The following CDK20 variants were observed in gnomAD, a reference collection of about 807,000 sequenced individuals.
CDK20 encodes the protein cyclin dependent kinase 20, also known as cyclin-dependent kinase 20.
CDK20 carries 40 observed loss-of-function variants against 38.6 expected under a neutral mutation model. The observed-to-expected ratio is 1.04, with a 90% CI of 0.81 to 1.35. The LOEUF is 1.35. Ranked by LOEUF, CDK20 falls within the 40% of genes most tolerant of loss-of-function variation. The probability of loss-of-function intolerance (pLI) is 0.00; values close to 1 mark genes in which losing one functional copy is unlikely to be tolerated. For synonymous variants in CDK20, 209 were observed against 185.7 expected (o/e 1.13, Z -1.02); for missense variants, 512 against 452.6 (o/e 1.13, Z -1.19).
intron 6 of CDK20, 95 bp from the exon 7 acceptor site, chr9:87,969,444 C>T (rs989397575): frequency 5.9e-6 from 8 of 1,348,606 alleles, no homozygotes; most frequent in South Asian, 1.3e-5. Flanking sequence ...CACACACTCA[C>T]ATGGGGGGTG....
At position 87,967,527 on chromosome 9, in the gene CDK20, C is replaced by G. The variant is rs1252848084; in HGVS notation, c.976G>C (p.Asp326His). 1 of 1,555,382 alleles carries G rather than the reference C, an allele frequency of 6.4e-7. No individual in the cohort carries two copies. Among genetic ancestry groups the G allele is most frequent in the Admixed American group, 1.9e-5 (1 of 51,456 alleles). Reference protein sequence around the residue: ...GPPHIHDFHVDRPLEESLLNP... With the variant: ...GPPHIHDFHVHRPLEESLLNP... ...AACAGCGACTCCTCAAGAGGCCGGT[C>G]CACGTGGAAGTCATGGATGTGGGGG... The change falls in exon 8 of 8, where the codon GAC becomes CAC. Residue 326 changes from aspartate (D) to histidine (H), a missense_variant. Physicochemically the swap from Asp to His is moderately conservative, Grantham distance 81 (BLOSUM62 -1). Transcript: ENST00000325303.
rs1305925018 is a variant in CDK20, at chr9:87,971,166, G to T, written c.359C>A (p.Ala120Asp). 3.1e-6 allele frequency: 5 copies of T among 1,614,108 alleles called. No homozygotes were observed. Among genetic ancestry groups the T allele is most frequent in the Non-Finnish European group, 4.2e-6 (5 of 1,179,982 alleles). The change falls in exon 3 of 8, where the codon GCC (alanine) becomes GAC (aspartate). Residue 120 changes from alanine (A) to aspartate (D), a missense_variant. Transcript: ENST00000325303. ...ACTGACCCGATGTACAATGTTGTTGGCATGGCAGAAGGCGACACCCTTGAG... is the reference window on the plus strand; with the variant it reads ...ACTGACCCGATGTACAATGTTGTTGTCATGGCAGAAGGCGACACCCTTGAG... The part of the protein sequence containing the change: ...MLLKGVAFCH[A>D]NNIVHRDLKP...
chr9:87,974,322 G>A (rs1224053176), intron 1 of CDK20, 50 bp downstream of exon 1: 14 of 1,553,670 alleles, frequency 9.0e-6, no homozygotes, highest in South Asian at 2.2e-5. Flanking sequence ...TTAGCCGGAG[G>A]GTGGCGGGGG....
chr9:87,969,602 C>CA (rs1332343712), intron 6 of CDK20, 194 bp downstream of exon 6: 1 of 907,504 alleles, frequency 1.1e-6, no homozygotes, highest in African/African-American at 1.7e-5. Context: ...TGAAAAGGGA[C>CA]AAAGGACAGG....
In CDK20 at chr9:87,974,510, C is replaced by T. The variant is rs963610062; in HGVS notation, c.-64G>A. 1.4e-6 allele frequency: 2 copies of T among 1,461,834 alleles called. No individual in the cohort carries two copies. The highest frequency in any genetic ancestry group is 1.9e-5 in the Admixed American group (1 of 51,832). The allele number at this position is 1,461,834 out of a possible 1,614,324, so 90.6% of individuals were successfully genotyped here. ...ACTTCCAAACTCCACTTCTCCTCCA[C>T]CCCACGCTGATCTGAGCTCGCACGC... is the stretch of plus-strand genomic sequence containing the variant. On this transcript the variant is annotated 5_prime_UTR_variant, in exon 1 of 8. In the 5' UTR this introduces an upstream ATG that the reference lacks. Transcript: ENST00000325303.
chr9:87,970,998 ACCT>A (rs766374695), intron 3 of CDK20, 101 bp from the exon 4 acceptor site: 26 of 1,544,256 alleles, frequency 1.7e-5, no homozygotes, highest in African/African-American at 1.6e-4. Context: ...CCCGGTCCCC[ACCT>A]CCTCCAGGGC....
intron 3 of CDK20, 87 bp downstream of exon 3, chr9:87,971,057 ACTT>A (rs1274600109): frequency 1.5e-4 from 228 of 1,515,484 alleles, no homozygotes; most frequent in Non-Finnish European, 1.8e-4. Context: ...CTCTGTCCCA[ACTT>A]CTTATCACAC....
At chr9:87,969,575 A>C in intron 6 of CDK20, 1 of 773,500 alleles carries the variant, frequency 1.3e-6, no homozygotes. Context: ...GAGACACTGC[A>C]CATGTGTGTA....
rs956046565 is a variant in CDK20 at position 87,974,019 on chromosome 9, G to A, written c.92C>T (p.Ala31Val). 6.2e-7 allele frequency: 1 copy of A among 1,614,142 alleles called. No individual in the cohort carries two copies. ...AKHVETGEIV[A>V]LKKVALRRLE... The stretch of plus-strand genomic sequence containing the variant: ...CCGCCTTAGGGCCACCTTCTTGAGG[G>A]CAACTATCTCGCCAGTCTGCAGGAT... The change falls in exon 2 of 8, where the codon GCC (alanine) becomes GTC (valine). Residue 31 changes from alanine (A) to valine (V), a missense_variant. Ala to Val is a moderately conservative substitution (Grantham distance 64). Transcript: ENST00000325303.
chr9:87,970,551 A>G lies in CDK20; in HGVS notation c.563+17T>C. ...CCATGAGCCATGTTACCCTTTGACC[A>G]CCCACAGGGGTCTCACCACAGATCG... On this transcript the variant is annotated intron_variant, in intron 5 of 7. Transcript: ENST00000325303. The G allele has an allele frequency of 6.2e-7, 1 of 1,610,378 alleles. No homozygotes were observed. The highest frequency in any genetic ancestry group is 8.5e-7 in the Non-Finnish European group (1 of 1,177,482).
intron 5 of CDK20, 62 bp downstream of exon 5, chr9:87,970,506 C>A: frequency 6.8e-7 from 1 of 1,466,730 alleles, no homozygotes; most frequent in Non-Finnish European, 9.4e-7. Context: ...AGCTCAGAGA[C>A]CTCAGAGCCT....
chr9:87,969,053 C>A (rs1054468979), intron 7 of CDK20, 141 bp downstream of exon 7: 11 of 973,352 alleles, frequency 1.1e-5, no homozygotes, highest in African/African-American at 6.5e-5. Flanking sequence ...CCCCTGGGTT[C>A]CAGATGTCTG....
At chr9:87,970,981 G>C in intron 3 of CDK20, 84 bp from the exon 4 acceptor site, 1 of 1,568,344 alleles carries the variant, frequency 6.4e-7, no homozygotes, top group African/African-American at 1.3e-5. Context: ...TAACCACTCA[G>C]GTCAGCCCCG....
chr9:87,968,382 G>A (rs951679087), intron 7 of CDK20: 8 of 152,504 alleles, frequency 5.2e-5, no homozygotes, highest in Middle Eastern at 3.4e-3. Context: ...TGTGGACACA[G>A]AGCCCACAGG....
rs771012844 is a variant in CDK20 at position 87,967,087 on chromosome 9, T to C, written c.*375A>G. 2 of 547,860 alleles carry C rather than the reference T, an allele frequency of 3.7e-6. No individual in the cohort carries two copies. Among genetic ancestry groups the C allele is most frequent in the Non-Finnish European group, 7.2e-6 (2 of 279,388 alleles). The allele number at this position is 547,860 out of a possible 1,614,324, so 33.9% of individuals were successfully genotyped here. On this transcript the variant is annotated 3_prime_UTR_variant, in exon 8 of 8. Coordinates refer to ENST00000325303, the MANE Select transcript of CDK20 (RefSeq NM_001039803.3). ...AGTTTCCAACATAAGGACACCTTAC[T>C]CTCTGCACTTCTCCTTGACCAGGAG...
chr9:87,971,041 G>A, intron 3 of CDK20, 106 bp downstream of exon 3: 1 of 1,500,174 alleles, frequency 6.7e-7, no homozygotes, highest in Middle Eastern at 1.8e-4. Flanking sequence ...TGGAGGCCTT[G>A]ACCAGCTCTG....
chr9:87,970,563 C>T lies in CDK20; in HGVS notation c.563+5G>A, dbSNP rs759042973. ...TTACCCTTTGACCACCCACAGGGGT[C>T]TCACCACAGATCGACGCCCTGGTCA... is the stretch of plus-strand genomic sequence containing the variant. On this transcript the variant is annotated splice_donor_5th_base_variant and intron_variant, in intron 5 of 7. Coordinates refer to ENST00000325303, the MANE Select transcript of CDK20 (RefSeq NM_001039803.3). The T allele has an allele frequency of 1.2e-6, 2 of 1,613,616 alleles. No individual in the cohort carries two copies. Among genetic ancestry groups the T allele is most frequent in the Non-Finnish European group, 1.7e-6 (2 of 1,179,672 alleles).
chr9:87,973,471 G>T (rs950545048), intron 2 of CDK20, among the ~76,000 whole-genome samples: 24 of 152,074 alleles, frequency 1.6e-4, no homozygotes, highest in African/African-American at 5.8e-4. Flanking sequence ...ACTGACTAAC[G>T]GAGGGCCCAA....
At position 87,968,953 on chromosome 9, in the gene CDK20, A is replaced by C. The variant is rs1222004812; in HGVS notation, c.843+241T>G. 7.5e-6 allele frequency: 4 copies of C among 529,842 alleles called. No individual in the cohort carries two copies. The Admixed American group carries it at 9.9e-5, about 13-fold the overall frequency. The allele number at this position is 529,842 out of a possible 1,614,324, so 32.8% of individuals were successfully genotyped here. On this transcript the variant is annotated intron_variant, in intron 7 of 7. Coordinates refer to ENST00000325303, the MANE Select transcript of CDK20 (RefSeq NM_001039803.3). The stretch of plus-strand genomic sequence containing the variant: ...ACACGCGCTCTCCTGAGAGTTGGGC[A>C]TGCCCCTCGTATGGGCCACCCTCAG...
Sources: gnomAD v4.1 joint callset for allele counts (sites outside exome capture counted in the v4.1 genomes callset) on GRCh38, gnomAD v4.1.1 for gene constraint, MANE v1.5 for transcripts, NCBI Gene and HGNC (gene_info 2026-07-23, HGNC 2026-07-21) for gene names.